The following SORCS1 variants were observed in gnomAD, a reference collection of about 807,000 sequenced individuals.
The protein encoded by SORCS1 is sortilin related VPS10 domain containing receptor 1.
In SORCS1, 60 loss-of-function variants were observed where a neutral mutation model predicts 146.1. The observed-to-expected ratio is 0.41, with a 90% CI of 0.33 to 0.51. The LOEUF is 0.51. Ranked by LOEUF, SORCS1 falls within the 20% of genes least tolerant of loss-of-function variation. SORCS1 has a pLI of 0.21. For missense variants in SORCS1, 1,352 were observed against 1,487.6 expected (o/e 0.91, Z 1.50); for synonymous variants, 637 against 584.0 (o/e 1.09, Z -1.31).
chr10:107,035,270 A>AC (rs1958852162), intron 1 of SORCS1, among the ~76,000 whole-genome samples: 1 of 140,682 alleles, frequency 7.1e-6, no homozygotes, highest in African/African-American at 2.9e-5. Flanking sequence ...TTCAAAAAAA[A>AC]AAAAACAACA....
intron 3 of SORCS1, among the ~76,000 whole-genome samples, chr10:106,795,910 A>G (rs900104138): frequency 2.0e-5 from 3 of 152,188 alleles, no homozygotes; most frequent in African/African-American, 7.2e-5. Flanking sequence ...CCCAAATTTC[A>G]TCATGGTCAA....
intron 1 of SORCS1, among the ~76,000 whole-genome samples, chr10:107,023,000 C>T (rs968778537): frequency 6.6e-6 from 1 of 152,182 alleles, no homozygotes; most frequent in African/African-American, 2.4e-5. Flanking sequence ...GGATCTGAAT[C>T]TGGATGTGAC....
intron 17 of SORCS1, among the ~76,000 whole-genome samples, chr10:106,658,753 C>G (rs1054119878): frequency 9.9e-5 from 15 of 152,166 alleles, no homozygotes; most frequent in African/African-American, 3.6e-4. Flanking sequence ...AGCTATGTAA[C>G]TATAGATCTC....
intron 21 of SORCS1, among the ~76,000 whole-genome samples, chr10:106,614,198 T>C (rs1207398018): frequency 6.6e-6 from 1 of 152,264 alleles, no homozygotes; most frequent in Non-Finnish European, 1.5e-5. Context: ...GTTGAATAAA[T>C]GTATGCTTAA....
chr10:106,699,808 A>G (rs963469906), intron 8 of SORCS1, among the ~76,000 whole-genome samples: 6 of 152,170 alleles, frequency 3.9e-5, no homozygotes, highest in Non-Finnish European at 8.8e-5. Flanking sequence ...CAAACCCTGC[A>G]TGTCTCAGCA....
intron 3 of SORCS1, among the ~76,000 whole-genome samples, chr10:106,780,148 T>C (rs974701093): frequency 8.5e-5 from 13 of 152,222 alleles, no homozygotes; most frequent in Non-Finnish European, 1.8e-4. Flanking sequence ...ATCCAGTCTT[T>C]AGACATAGAT....
chr10:106,911,300 G>C (rs919912847), intron 2 of SORCS1, among the ~76,000 whole-genome samples: 1 of 152,166 alleles, frequency 6.6e-6, no homozygotes, highest in Non-Finnish European at 1.5e-5. Flanking sequence ...GTCTCACTCA[G>C]GATTTACAGC....
At chr10:106,959,266 TA>T (rs1955109385) in intron 1 of SORCS1, among the ~76,000 whole-genome samples, 1 of 152,218 alleles carries the variant, frequency 6.6e-6, no homozygotes, top group African/African-American at 2.4e-5. Flanking sequence ...GCACCAGAAG[TA>T]GAGTCCTTTA....
intron 17 of SORCS1, among the ~76,000 whole-genome samples, chr10:106,660,788 C>T (rs1172870038): frequency 6.7e-6 from 1 of 150,014 alleles, no homozygotes; most frequent in Non-Finnish European, 1.5e-5. Flanking sequence ...TATTGAGAAA[C>T]TAACCCTGAA....
intron 18 of SORCS1, among the ~76,000 whole-genome samples, chr10:106,633,386 T>C (rs1848548242): frequency 6.6e-6 from 1 of 152,164 alleles, no homozygotes; most frequent in African/African-American, 2.4e-5. Flanking sequence ...AAGTTAACAC[T>C]GTACTGTGCT....
chr10:106,873,238 G>A (rs1476769561), intron 2 of SORCS1, among the ~76,000 whole-genome samples: 4 of 150,606 alleles, frequency 2.7e-5, no homozygotes, highest in South Asian at 2.1e-4. Context: ...GTTTGAACCC[G>A]GGAGGCAGAG....
intron 3 of SORCS1, among the ~76,000 whole-genome samples, chr10:106,777,447 A>T (rs1860532806): frequency 6.6e-6 from 1 of 152,226 alleles, no homozygotes; most frequent in Non-Finnish European, 1.5e-5. Flanking sequence ...TTGTCGAATG[A>T]ATGAATAAAT....
At chr10:106,703,917 A>C (rs1423458962) in intron 8 of SORCS1, among the ~76,000 whole-genome samples, 2 of 152,248 alleles carry the variant, frequency 1.3e-5, no homozygotes, top group Non-Finnish European at 2.9e-5. Flanking sequence ...GAACAAGCTA[A>C]ATTAATCACT....
At chr10:107,174,268 C>G in the SORCS1 span, among the ~76,000 whole-genome samples, 1 of 152,116 alleles carries the variant, frequency 6.6e-6, no homozygotes, top group Non-Finnish European at 1.5e-5. Context: ...TGCAGTGGCG[C>G]CATCTCGGCT....
chr10:106,596,031 A>G (rs1437711772), intron 24 of SORCS1, among the ~76,000 whole-genome samples: 1 of 152,238 alleles, frequency 6.6e-6, no homozygotes, highest in Non-Finnish European at 1.5e-5. Context: ...CCACTGGCAG[A>G]GATGCTATTA....
the SORCS1 span, among the ~76,000 whole-genome samples, chr10:107,176,540 T>A: frequency 6.6e-6 from 1 of 151,976 alleles, no homozygotes; most frequent in Non-Finnish European, 1.5e-5. Flanking sequence ...CCCCAGTATG[T>A]TGCTGCCTAG....
rs115648296 is a variant in SORCS1, at chr10:107,084,930, T to C, written c.558+79039A>G. Among the ~76,000 whole-genome samples the C allele has an allele frequency of 8.7e-3, 1,324 of 152,296 alleles. 18 individuals are homozygous for C. The highest frequency in any genetic ancestry group is 0.03 in the African/African-American group (1,240 of 41,560). On this transcript the variant is annotated intron_variant, in intron 1 of 25. Coordinates refer to ENST00000263054, the MANE Select transcript of SORCS1 (RefSeq NM_052918.5). ...CTCTGATTACAAGCTTATTAAAACATTGATGATCTACCAGATATAAACTCT... is the reference window on the plus strand; with the variant it reads ...CTCTGATTACAAGCTTATTAAAACACTGATGATCTACCAGATATAAACTCT...
intron 1 of SORCS1, among the ~76,000 whole-genome samples, chr10:106,970,398 G>A (rs1323247473): frequency 2.8e-5 from 4 of 140,392 alleles, no homozygotes; most frequent in Non-Finnish European, 1.5e-5. Flanking sequence ...GAGTGCAGTG[G>A]CGTGATCCCT....
intron 1 of SORCS1, among the ~76,000 whole-genome samples, chr10:107,149,360 C>T (rs1404550518): frequency 6.6e-6 from 1 of 151,862 alleles, no homozygotes; most frequent in East Asian, 1.9e-4. Flanking sequence ...TATTCTATTG[C>T]ATTTTCTTAC....
Sources: allele counts gnomAD v4.1 joint callset (sites outside exome capture counted in the v4.1 genomes callset), GRCh38; gene constraint gnomAD v4.1.1; transcripts MANE v1.5; gene names NCBI Gene and HGNC (gene_info 2026-07-23, HGNC 2026-07-21).